Variants in CLUAP1 observed in about 807,000 individuals in gnomAD.
The protein encoded by CLUAP1 is clusterin-associated protein 1.
A neutral mutation model predicts 55.0 loss-of-function variants in CLUAP1; 50 were observed. The ratio of observed to expected loss-of-function variants is 0.91; its 90% CI spans 0.72 to 1.15. CLUAP1 has a LOEUF of 1.15. CLUAP1 is among the 50% of genes most tolerant of loss of function. CLUAP1 has a pLI of 0.00. For synonymous variants in CLUAP1, 195 were observed against 175.4 expected, an observed-to-expected ratio of 1.11 and a Z score of -0.88; for missense variants, 530 against 507.6, an observed-to-expected ratio of 1.04 and a Z score of -0.42.
intron 9 of CLUAP1, among the ~76,000 whole-genome samples, chr16:3,528,943 T>G (rs1300642948): frequency 6.6e-6 from 1 of 152,162 alleles, no homozygotes; most frequent in African/African-American, 2.4e-5. Flanking sequence ...CATTAATGTC[T>G]TAGTCTGTTT....
intron 1 of CLUAP1, among the ~76,000 whole-genome samples, chr16:3,504,404 G>A (rs2037463790): frequency 6.6e-6 from 1 of 152,146 alleles, no homozygotes; most frequent in Non-Finnish European, 1.5e-5. Flanking sequence ...TTATAAGGAC[G>A]GGTGTTTCTT....
chr16:3,529,687 T>TATAA (rs1215154115), intron 9 of CLUAP1, among the ~76,000 whole-genome samples: 1 of 23,460 alleles, frequency 4.3e-5, no homozygotes, highest in South Asian at 1.4e-3. Context: ...TTATATATTA[T>TATAA]TATATATTAT....
At chr16:3,511,708 C>A (rs2037629037) in intron 4 of CLUAP1, among the ~76,000 whole-genome samples, 1 of 152,116 alleles carries the variant, frequency 6.6e-6, no homozygotes, top group Admixed American at 6.5e-5. Context: ...TTTGAGGTGA[C>A]ATTAGGTTTT....
intron 5 of CLUAP1, among the ~76,000 whole-genome samples, chr16:3,515,020 C>T (rs531701492): frequency 1.1e-4 from 16 of 152,164 alleles, no homozygotes; most frequent in African/African-American, 3.9e-4. Context: ...AGAGGGACTT[C>T]ATGCTAAGAA....
rs1350795972 is a variant in CLUAP1 at position 3,519,608 on chromosome 16, G to A, written c.580-295G>A. The stretch of plus-strand genomic sequence containing the variant: ...AACCGAGTGAGCCAGAGAAAAGACT[G>A]CAGGCCTCTCCACCTTGACCAGGAC... On this transcript the variant is annotated intron_variant, in intron 6 of 11. Coordinates refer to ENST00000576634, the MANE Select transcript of CLUAP1 (RefSeq NM_015041.3). 2.0e-5 allele frequency among the ~76,000 whole-genome samples: 3 copies of A among 152,206 alleles called. No homozygotes were observed. The South Asian group carries it at 6.2e-4, about 31-fold the overall frequency.
rs1268734461 is a variant in CLUAP1, at chr16:3,529,516, ATTATATATTATTATATG to A, written c.929-1035_929-1019del. On this transcript the variant is annotated intron_variant, in intron 9 of 11. Transcript: ENST00000576634. ...TATATTATATTATATATATTATATA[ATTATATATTATTATATG>A]TTATATATTATTATATATTATATAT... Among the ~76,000 whole-genome samples, 270 of 65,640 alleles carry A rather than the reference ATTATATATTATTATATG, an allele frequency of 4.1e-3. 4 individuals are homozygous for A. Among genetic ancestry groups the A allele is most frequent in the Middle Eastern group, 6.5e-3 (1 of 154 alleles). 43.1% of individuals were successfully genotyped at this position (65,640 alleles called of 152,430 possible). A position where few individuals can be genotyped will look rare whatever the true frequency, so the allele number is the denominator to read the frequency against.
chr16:3,527,553 G>A (rs1044316640), intron 9 of CLUAP1, among the ~76,000 whole-genome samples: 4 of 152,054 alleles, frequency 2.6e-5, no homozygotes, highest in South Asian at 2.1e-4. Flanking sequence ...CCCTTTCCCC[G>A]GGGGAGTTTA....
chr16:3,506,943 T>TC (rs746662171), intron 3 of CLUAP1, among the ~76,000 whole-genome samples: 2 of 152,256 alleles, frequency 1.3e-5, no homozygotes, highest in African/African-American at 2.4e-5. Context: ...ACGCCTGTAA[T>TC]CCCAGCACTT....
At chr16:3,510,871 G>T (rs2037611671) in intron 4 of CLUAP1, among the ~76,000 whole-genome samples, 1 of 152,246 alleles carries the variant, frequency 6.6e-6, no homozygotes, top group African/African-American at 2.4e-5. Flanking sequence ...CTGTCCAGGT[G>T]GAGATGGTGC....
chr16:3,532,967 G>A (rs545466015), intron 11 of CLUAP1, 126 bp downstream of exon 11: 3 of 1,347,040 alleles, frequency 2.2e-6, no homozygotes, highest in East Asian at 2.4e-5. Context: ...GTGCCTCGAT[G>A]CGTGGCAGGG....
intron 6 of CLUAP1, among the ~76,000 whole-genome samples, chr16:3,519,046 T>C (rs1005801300): frequency 2.0e-5 from 3 of 152,164 alleles, no homozygotes; most frequent in African/African-American, 7.2e-5. Flanking sequence ...CAGTCCAGAT[T>C]CCTCATAAAG....
chr16:3,531,316 C>G (rs56078885), intron 10 of CLUAP1, among the ~76,000 whole-genome samples: 5,879 of 152,108 alleles, frequency 0.039, 151 homozygotes, highest in Admixed American at 0.063. Context: ...GTCAAGAGAT[C>G]GAGACCATCC....
At chr16:3,518,766 A>C (rs555911346) in intron 6 of CLUAP1, among the ~76,000 whole-genome samples, 37 of 152,298 alleles carry the variant, frequency 2.4e-4, no homozygotes, top group African/African-American at 8.9e-4. Context: ...TAGACCAAAA[A>C]AATTAGACCA....
chr16:3,522,448 G>A (rs993035896), intron 7 of CLUAP1, among the ~76,000 whole-genome samples: 8 of 152,306 alleles, frequency 5.3e-5, no homozygotes, highest in East Asian at 1.9e-4. Context: ...ACAGGCGTGC[G>A]CCACCGCACC....
At chr16:3,501,153 G>A (rs964248394) in intron 1 of CLUAP1, 64 bp downstream of exon 1, 1 of 1,505,044 alleles carries the variant, frequency 6.6e-7, no homozygotes, top group Non-Finnish European at 9.0e-7. Context: ...CCCGCCCGCC[G>A]GGTCCCCTGT....
At chr16:3,496,626 G>T (rs2037314491), upstream of CLUAP1, 32 of 532,404 alleles carry the variant, frequency 6.0e-5, no homozygotes, top group South Asian at 4.4e-4. Flanking sequence ...CTACTCTCCG[G>T]TCTTCGCAAG....
chr16:3,516,664 A>G (rs2037734916), intron 6 of CLUAP1, among the ~76,000 whole-genome samples: 1 of 152,234 alleles, frequency 6.6e-6, no homozygotes. Context: ...ATTTTGATAT[A>G]CATGTATGCA....
chr16:3,501,454 C>T (rs1034932665), intron 1 of CLUAP1, among the ~76,000 whole-genome samples: 2 of 152,220 alleles, frequency 1.3e-5, no homozygotes, highest in South Asian at 2.1e-4. Context: ...AGTTTAGAGA[C>T]TATTTTTTGA....
upstream of CLUAP1, among the ~76,000 whole-genome samples, chr16:3,496,001 C>T (rs1164478700): frequency 1.3e-5 from 2 of 151,952 alleles, no homozygotes; most frequent in Admixed American, 6.6e-5. Context: ...ATTAGCCGGG[C>T]GTCGTGGCGG....
Sources: gnomAD v4.1 joint callset for allele counts (sites outside exome capture counted in the v4.1 genomes callset) on GRCh38, gnomAD v4.1.1 for gene constraint, MANE v1.5 for transcripts, NCBI Gene and HGNC (gene_info 2026-07-23, HGNC 2026-07-21) for gene names.